The following CDK14 variants were observed in gnomAD, a reference collection of about 807,000 sequenced individuals.
CDK14 encodes the protein cyclin-dependent kinase 14.
CDK14 carries 34 observed loss-of-function variants against 60.7 expected under a neutral mutation model. The ratio of observed to expected loss-of-function variants is 0.56; its 90% confidence interval spans 0.43 to 0.75. The LOEUF (loss-of-function observed/expected upper bound fraction) is 0.75. Ranked by LOEUF, CDK14 falls within the 30% of genes least tolerant of loss-of-function variation. CDK14 has a pLI of 0.00. For missense variants in CDK14, 482 were observed against 564.1 expected (o/e 0.85, Z 1.47); for synonymous variants, 197 against 203.7 (o/e 0.97, Z 0.28).
chr7:91,131,844 G>A (rs984614239), intron 14 of CDK14, among the ~76,000 whole-genome samples: 47 of 152,090 alleles, frequency 3.1e-4, no homozygotes, highest in African/African-American at 1.9e-4. Context: ...ACAGGAACTC[G>A]TTTACGGTTT....
chr7:90,934,039 G>A (rs564463389), intron 8 of CDK14, among the ~76,000 whole-genome samples: 95 of 152,348 alleles, frequency 6.2e-4, no homozygotes, highest in African/African-American at 2.2e-3. Context: ...GCTGTGCTAG[G>A]CAGACTTGTT....
At chr7:90,703,873 C>T (rs1424976119) in intron 2 of CDK14, among the ~76,000 whole-genome samples, 1 of 152,058 alleles carries the variant, frequency 6.6e-6, no homozygotes, top group Non-Finnish European at 1.5e-5. Context: ...ATCACTTGAG[C>T]CCAAGAGTTT....
intron 10 of CDK14, among the ~76,000 whole-genome samples, chr7:91,013,656 G>GTTTTTTTTTTTTTTTTTT (rs56934476): frequency 2.7e-4 from 33 of 123,372 alleles, no homozygotes; most frequent in Non-Finnish European, 3.2e-4. Flanking sequence ...CATTGCCTCT[G>GTTTTTTTTTTTTTTTTTT]TTTTTTTTTT....
intron 11 of CDK14, among the ~76,000 whole-genome samples, chr7:91,062,276 T>A (rs697409): frequency 1.3e-5 from 2 of 151,990 alleles, no homozygotes; most frequent in African/African-American, 4.8e-5. Context: ...GGGAATGACC[T>A]GATTTTCCAG....
chr7:90,724,453 CTCT>C (rs1448751533), intron 2 of CDK14, among the ~76,000 whole-genome samples: 1 of 150,874 alleles, frequency 6.6e-6, no homozygotes, highest in Non-Finnish European at 1.5e-5. Context: ...TATTATTTCA[CTCT>C]TCTTATCTTG....
At chr7:90,612,336 C>T (rs779614998) in intron 2 of CDK14, among the ~76,000 whole-genome samples, 3 of 152,088 alleles carry the variant, frequency 2.0e-5, no homozygotes, top group Admixed American at 6.6e-5. Flanking sequence ...CATCAAATGA[C>T]GTTTGTTTTA....
intron 5 of CDK14, among the ~76,000 whole-genome samples, chr7:90,806,420 A>G (rs1451651789): frequency 1.3e-5 from 2 of 152,360 alleles, no homozygotes. Context: ...TCAATGATGA[A>G]AAGACCCCCA....
intron 10 of CDK14, among the ~76,000 whole-genome samples, chr7:91,035,092 G>A (rs1796883117): frequency 6.6e-6 from 1 of 152,088 alleles, no homozygotes; most frequent in African/African-American, 2.4e-5. Context: ...AAGCTTTCAT[G>A]ACTAACTTCT....
chr7:90,639,923 C>G (rs1395489185), intron 2 of CDK14, among the ~76,000 whole-genome samples: 1 of 152,118 alleles, frequency 6.6e-6, no homozygotes, highest in Non-Finnish European at 1.5e-5. Flanking sequence ...CCCTCCGAGC[C>G]AGGTGCGGGA....
intron 9 of CDK14, among the ~76,000 whole-genome samples, chr7:90,957,698 A>G (rs1794471784): frequency 6.6e-6 from 1 of 152,140 alleles, no homozygotes; most frequent in Admixed American, 6.6e-5. Context: ...TGAGGAAATA[A>G]AAGAGGATAC....
intron 5 of CDK14, among the ~76,000 whole-genome samples, chr7:90,845,274 T>C (rs954626593): frequency 3.3e-5 from 5 of 152,194 alleles, no homozygotes; most frequent in Admixed American, 2.6e-4. Context: ...CTTAAAACTA[T>C]GCTTTCTATA....
At chr7:90,970,909 AATTC>A (rs969764379) in intron 9 of CDK14, among the ~76,000 whole-genome samples, 1 of 152,128 alleles carries the variant, frequency 6.6e-6, no homozygotes, top group Admixed American at 6.6e-5. Flanking sequence ...TAGTTTATGC[AATTC>A]ATTCATTTAT....
chr7:90,764,831 A>G (rs1358904840), intron 4 of CDK14, among the ~76,000 whole-genome samples: 1 of 152,186 alleles, frequency 6.6e-6, no homozygotes. Flanking sequence ...GTTTTTAACT[A>G]TCTCTGTTTT....
intron 5 of CDK14, among the ~76,000 whole-genome samples, chr7:90,823,559 A>G (rs1464244178): frequency 6.6e-6 from 1 of 152,154 alleles, no homozygotes; most frequent in Non-Finnish European, 1.5e-5. Context: ...AATTAATGTG[A>G]TCAGATCGGA....
intron 4 of CDK14, among the ~76,000 whole-genome samples, chr7:90,753,717 A>C (rs1243590847): frequency 6.6e-6 from 1 of 152,178 alleles, no homozygotes; most frequent in Non-Finnish European, 1.5e-5. Context: ...TGACAATATG[A>C]TTCTATACAG....
chr7:90,720,636 A>T (rs1408477746), intron 2 of CDK14, among the ~76,000 whole-genome samples: 1 of 152,212 alleles, frequency 6.6e-6, no homozygotes, highest in Non-Finnish European at 1.5e-5. Context: ...ACATATGTAA[A>T]TGTAATGATT....
chr7:90,713,681 G>A (rs1802143056), intron 2 of CDK14, among the ~76,000 whole-genome samples: 1 of 150,032 alleles, frequency 6.7e-6, no homozygotes, highest in South Asian at 2.1e-4. Context: ...GAGAAATGGA[G>A]AGAATTGCAG....
intron 2 of CDK14, among the ~76,000 whole-genome samples, chr7:90,643,134 T>C (rs1320100203): frequency 6.6e-6 from 1 of 152,160 alleles, no homozygotes; most frequent in African/African-American, 2.4e-5. Context: ...GCTCAAAAGA[T>C]GAGCAGACCT....
chr7:90,882,376 C>G (rs995339080), intron 6 of CDK14, among the ~76,000 whole-genome samples: 1 of 151,378 alleles, frequency 6.6e-6, no homozygotes, highest in African/African-American at 2.4e-5. Flanking sequence ...AAGGGAACAA[C>G]TCAAAAAGAA....
Sources: allele counts gnomAD v4.1 joint callset (sites outside exome capture counted in the v4.1 genomes callset), GRCh38; gene constraint gnomAD v4.1.1; transcripts MANE v1.5; gene names NCBI Gene and HGNC (gene_info 2026-07-23, HGNC 2026-07-21).